CYP3A4: variants seen among roughly 807,000 people sequenced by gnomAD.
CYP3A4 encodes cytochrome P450 3A4.
In CYP3A4, 41 loss-of-function variants were observed where a neutral mutation model predicts 54.9. The observed-to-expected ratio is 0.75, with a 90% CI of 0.58 to 0.97. CYP3A4 has a LOEUF of 0.97. Among genes scored for constraint, CYP3A4 ranks in the 50% least tolerant of loss-of-function variants. The pLI is 0.00. For synonymous variants in CYP3A4, 179 were observed against 205.2 expected (o/e 0.87, Z 1.09); for missense variants, 510 against 597.3 (o/e 0.85, Z 1.52).
At chr7:99,766,886 T>C in intron 8 of CYP3A4, 1 of 399,372 alleles carries the variant, frequency 2.5e-6, no homozygotes, top group Non-Finnish European at 4.5e-6. Context: ...ATTTATGCCG[T>C]GGCATACTAA....
intron 11 of CYP3A4, among the ~76,000 whole-genome samples, chr7:99,761,263 T>C (rs925444168): frequency 3.3e-5 from 5 of 152,192 alleles, no homozygotes; most frequent in African/African-American, 1.2e-4. Context: ...ATATTCAGGG[T>C]GGTGATGTGT....
intron 3 of CYP3A4, 24 bp downstream of exon 3, chr7:99,778,004 A>G (rs1815816447): frequency 6.3e-7 from 1 of 1,598,800 alleles, no homozygotes; most frequent in South Asian, 1.1e-5. Context: ...AAGTCTATCC[A>G]ATGGAAGTTT....
At chr7:99,778,482 A>G (rs75187416) in intron 2 of CYP3A4, among the ~76,000 whole-genome samples, 1 of 152,316 alleles carries the variant, frequency 6.6e-6, no homozygotes, top group African/African-American at 2.4e-5. Context: ...ACAGTGTTTT[A>G]TCTCTTTGTC....
rs756296508 is a variant in CYP3A4 at position 99,761,063 on chromosome 7, G to A, written c.1254-82C>T. ...ACATGTTAGGGTTTCTTACTTAGGG[G>A]CCACCCCTCAACTAGTAGTACACAG... On this transcript the variant is annotated intron_variant, in intron 11 of 12. Coordinates refer to ENST00000651514, the MANE Select transcript of CYP3A4 (RefSeq NM_017460.6). The A allele has an allele frequency of 1.2e-4, 182 of 1,485,176 alleles. 1 individual carries two copies. Among genetic ancestry groups the A allele is most frequent in the Non-Finnish European group, 1.6e-4 (172 of 1,091,636 alleles). 92.0% of individuals were successfully genotyped at this position (1,485,176 alleles called of 1,614,324 possible). A position where few individuals can be genotyped will look rare whatever the true frequency, so the allele number is the denominator to read the frequency against.
chr7:99,763,474 A>G (rs1815391624), intron 10 of CYP3A4, among the ~76,000 whole-genome samples: 1 of 152,246 alleles, frequency 6.6e-6, no homozygotes, highest in African/African-American at 2.4e-5. Context: ...ATATGTGGAT[A>G]CAGCTAAGGG....
At chr7:99,774,691 T>A (rs1317366938) in intron 3 of CYP3A4, among the ~76,000 whole-genome samples, 1 of 152,144 alleles carries the variant, frequency 6.6e-6, no homozygotes, top group East Asian at 1.9e-4. Context: ...GGAACGTATC[T>A]CAAAATAGTA....
chr7:99,779,769 C>T (rs1006505258), intron 2 of CYP3A4, among the ~76,000 whole-genome samples: 1 of 152,204 alleles, frequency 6.6e-6, no homozygotes, highest in African/African-American at 2.4e-5. Flanking sequence ...GGTTGCTGAT[C>T]TACCTGAGAT....
chr7:99,777,733 C>T (rs911752042), intron 3 of CYP3A4, among the ~76,000 whole-genome samples: 2 of 152,104 alleles, frequency 1.3e-5, no homozygotes, highest in African/African-American at 2.4e-5. Flanking sequence ...ATCTTTGTAG[C>T]GAAGGATAAT....
chr7:99,780,134 TA>T, intron 1 of CYP3A4, 49 bp from the exon 2 acceptor site: 1 of 1,573,344 alleles, frequency 6.4e-7, no homozygotes, highest in Non-Finnish European at 8.7e-7. Context: ...ACTTTATAGA[TA>T]TAGGGGTTGA....
chr7:99,763,763 G>A lies in CYP3A4; in HGVS notation c.1026+92C>T, dbSNP rs1313879892. On this transcript the variant is annotated intron_variant, in intron 10 of 12. Coordinates refer to ENST00000651514, the MANE Select transcript of CYP3A4 (RefSeq NM_017460.6). ...AGTCAGTGAAAGAATCAGTGATTAT[G>A]CTTTTTATAAAAATTCTCCTGGGAA... The A allele has an allele frequency of 1.6e-5, 23 of 1,472,420 alleles. 1 individual carries two copies. Among genetic ancestry groups the A allele is most frequent in the Middle Eastern group, 2.0e-4 (1 of 5,098 alleles). 91.2% of individuals were successfully genotyped at this position (1,472,420 alleles called of 1,614,324 possible). A position where few individuals can be genotyped will look rare whatever the true frequency, so the allele number is the denominator to read the frequency against.
chr7:99,765,440 A>C (rs1815450733), intron 9 of CYP3A4, among the ~76,000 whole-genome samples: 1 of 152,176 alleles, frequency 6.6e-6, no homozygotes, highest in South Asian at 2.1e-4. Context: ...TAGATGATAG[A>C]TGGATAAATG....
At chr7:99,783,504 T>C (rs1231436488) in intron 1 of CYP3A4, among the ~76,000 whole-genome samples, 1 of 151,924 alleles carries the variant, frequency 6.6e-6, no homozygotes, top group Non-Finnish European at 1.5e-5. Context: ...TAAAGATGGA[T>C]GGGGAAGATG....
rs28988588 is a variant in CYP3A4, at chr7:99,766,637, A to C, written c.799-194T>G. The C allele has an allele frequency of 3.8e-3, 2,542 of 674,428 alleles. 45 individuals carry two copies. In the African/African-American group the frequency reaches 0.038, roughly 10 times the overall value. 41.8% of individuals were successfully genotyped at this position (674,428 alleles called of 1,614,324 possible). On this transcript the variant is annotated intron_variant, in intron 8 of 12. Transcript: ENST00000651514. ...GGAAAGCAGGATGTTTTCCTGAAAC[A>C]AATCTGGCTATCATGTGAGATGGCT...
In CYP3A4 at chr7:99,767,135, T is replaced by C; in HGVS notation, c.794A>G (p.Gln265Arg). 6.2e-7 allele frequency: 1 copy of C among 1,607,552 alleles called. No individual in the cohort carries two copies. The highest frequency in any genetic ancestry group is 8.5e-7 in the Non-Finnish European group (1 of 1,177,846). ...ATAACTACCACCACATTTTACCTTT[T>C]GTGTATCTTCGAGGCGACTTTCTTT... The part of the protein sequence containing the change: ...RMKESRLEDT[Q>R]KHRVDFLQLM... Residue 265 changes from glutamine (Q) to arginine (R), a missense_variant, in exon 8 of 13, where the codon CAA (glutamine) becomes CGA (arginine). Transcript: ENST00000651514.
In CYP3A4 at chr7:99,767,264, G is replaced by C; in HGVS notation, c.671-6C>G. 1 of 1,561,984 alleles carries C rather than the reference G, an allele frequency of 6.4e-7. No homozygotes were observed. The highest frequency in any genetic ancestry group is 8.6e-7 in the Non-Finnish European group (1 of 1,162,154). ...GATGAGGAATGGAAAGACTGCTGTA[G>C]GAAAAACAAAACAAAAACAGAAAAA... On this transcript the variant is annotated splice_polypyrimidine_tract_variant and splice_region_variant and intron_variant, in intron 7 of 12. Coordinates refer to ENST00000651514, the MANE Select transcript of CYP3A4 (RefSeq NM_017460.6).
intron 4 of CYP3A4, among the ~76,000 whole-genome samples, chr7:99,770,848 C>G (rs917735577): frequency 2.0e-5 from 3 of 152,158 alleles, no homozygotes; most frequent in Admixed American, 1.3e-4. Flanking sequence ...CAACTTGGAA[C>G]TGGCCTATCA....
At position 99,763,764 on chromosome 7, in the gene CYP3A4, C is replaced by G. The variant is rs4986911; in HGVS notation, c.1026+91G>C. ...GTCAGTGAAAGAATCAGTGATTATGCTTTTTATAAAAATTCTCCTGGGAAG... is the reference window on the plus strand; with the variant it reads ...GTCAGTGAAAGAATCAGTGATTATGGTTTTTATAAAAATTCTCCTGGGAAG... On this transcript the variant is annotated intron_variant, in intron 10 of 12. Transcript: ENST00000651514. 3,008 of 1,484,814 alleles carry G rather than the reference C, an allele frequency of 2.0e-3. 40 individuals are homozygous for G. In the African/African-American group the frequency reaches 0.034, roughly 17 times the overall value. 92.0% of individuals were successfully genotyped at this position (1,484,814 alleles called of 1,614,324 possible).
intron 1 of CYP3A4, among the ~76,000 whole-genome samples, chr7:99,781,452 C>T (rs1563046309): frequency 6.6e-6 from 1 of 152,192 alleles, no homozygotes; most frequent in Non-Finnish European, 1.5e-5. Context: ...TAGGAAAACC[C>T]ATTAAGGCTG....
chr7:99,780,016 C>CA lies in CYP3A4; in HGVS notation c.140dup (p.Leu47PhefsTer9), dbSNP rs1036437989. 2 of 1,613,382 alleles carry CA rather than the reference C, an allele frequency of 1.2e-6. No individual in the cohort carries two copies. Among genetic ancestry groups the CA allele is most frequent in the South Asian group, 1.1e-5 (1 of 91,054 alleles). ...CCTTATGGTAGGACAAAATATTTCC[C>CA]AAAAAAGGCAGAGGTGTGGGCCCTG... is the stretch of plus-strand genomic sequence containing the variant. On this transcript the variant is annotated frameshift_variant, in exon 2 of 13. Transcript: ENST00000651514. LOFTEE classifies it high-confidence loss of function.
Sources: allele counts gnomAD v4.1 joint callset (sites outside exome capture counted in the v4.1 genomes callset), GRCh38; gene constraint gnomAD v4.1.1; transcripts MANE v1.5; gene names NCBI Gene and HGNC (gene_info 2026-07-23, HGNC 2026-07-21).